Variants in TP63 observed in about 807,000 individuals in gnomAD.
TP63 encodes tumor protein 63.
A neutral mutation model predicts 82.8 loss-of-function variants in TP63; 17 were observed. The ratio of observed to expected loss-of-function variants is 0.21; its 90% CI spans 0.14 to 0.31. The LOEUF is 0.31. Ranked by LOEUF, TP63 falls within the 10% of genes least tolerant of loss-of-function variation. The pLI, the probability that TP63 is intolerant of heterozygous loss-of-function variation, is 1.00. For synonymous variants in TP63, 330 were observed against 321.7 expected, an observed-to-expected ratio of 1.03 and a Z score of -0.28; for missense variants, 648 against 895.3, an observed-to-expected ratio of 0.72 and a Z score of 3.52.
At chr3:189,763,594 C>T (rs1722737586) in intron 3 of TP63, among the ~76,000 whole-genome samples, 1 of 152,090 alleles carries the variant, frequency 6.6e-6, no homozygotes, top group African/African-American at 2.4e-5. Flanking sequence ...ATTCTGATCA[C>T]CATTTGTATT....
intron 1 of TP63, among the ~76,000 whole-genome samples, chr3:189,653,444 A>G (rs951204231): frequency 6.6e-6 from 1 of 152,196 alleles, no homozygotes; most frequent in Non-Finnish European, 1.5e-5. Context: ...CAGTGTTTAT[A>G]TATTTTTCAC....
intron 2 of TP63, 25 bp downstream of exon 2, chr3:189,737,893 G>A (rs1238751428): frequency 6.2e-7 from 1 of 1,613,238 alleles, no homozygotes; most frequent in African/African-American, 1.3e-5. Flanking sequence ...AGCAAGAAAT[G>A]TTTTGCTTGA....
intron 3 of TP63, among the ~76,000 whole-genome samples, chr3:189,767,985 T>C (rs1254953354): frequency 6.6e-6 from 1 of 152,166 alleles, no homozygotes; most frequent in Non-Finnish European, 1.5e-5. Context: ...ATAATACATA[T>C]GTGAAATCAC....
At chr3:189,673,924 T>G (rs1715159241) in intron 1 of TP63, among the ~76,000 whole-genome samples, 1 of 151,872 alleles carries the variant, frequency 6.6e-6, no homozygotes, top group Admixed American at 6.6e-5. Flanking sequence ...AGTTTTATTA[T>G]TGTTATTATG....
chr3:189,700,015 G>A (rs1717682999), intron 1 of TP63, among the ~76,000 whole-genome samples: 1 of 152,164 alleles, frequency 6.6e-6, no homozygotes, highest in South Asian at 2.1e-4. Context: ...GGGAACACTG[G>A]TCTGACTGCA....
the TP63 span, among the ~76,000 whole-genome samples, chr3:189,620,356 C>G: frequency 6.6e-6 from 1 of 152,020 alleles, no homozygotes; most frequent in South Asian, 2.1e-4. Flanking sequence ...AACCCCATCT[C>G]TACTAAAAAT....
chr3:189,861,752 A>G (rs780922796), intron 4 of TP63, among the ~76,000 whole-genome samples: 3 of 152,340 alleles, frequency 2.0e-5, no homozygotes, highest in African/African-American at 4.8e-5. Context: ...AAGAACCACA[A>G]TGTTGGAAAC....
At chr3:189,875,601 T>TATATATATATATATATATAC (rs1718986048) in intron 10 of TP63, among the ~76,000 whole-genome samples, 1 of 46,554 alleles carries the variant, frequency 2.1e-5, no homozygotes, top group African/African-American at 7.3e-5. Context: ...TACATATATA[T>TATATATATATATATATATAC]ATATATATAT....
chr3:189,667,786 G>T (rs567538697), intron 1 of TP63, among the ~76,000 whole-genome samples: 1 of 152,106 alleles, frequency 6.6e-6, no homozygotes, highest in Non-Finnish European at 1.5e-5. Context: ...TATAGACCAT[G>T]TTCTACAGCA....
At chr3:189,709,050 T>A (rs574148436) in intron 1 of TP63, among the ~76,000 whole-genome samples, 1 of 152,314 alleles carries the variant, frequency 6.6e-6, no homozygotes, top group East Asian at 1.9e-4. Flanking sequence ...AGATTCATCC[T>A]TGTTTGCTGT....
At chr3:189,682,841 C>T (rs1199206986) in intron 1 of TP63, among the ~76,000 whole-genome samples, 1 of 151,944 alleles carries the variant, frequency 6.6e-6, no homozygotes, top group East Asian at 1.9e-4. Flanking sequence ...AAATTTACTT[C>T]TAGACTAGAA....
At chr3:189,830,211 A>G (rs1340735104) in intron 4 of TP63, among the ~76,000 whole-genome samples, 1 of 152,218 alleles carries the variant, frequency 6.6e-6, no homozygotes. Flanking sequence ...GAAAAAAGCT[A>G]GACCTTTACA....
rs1016027295 is a variant in TP63, at chr3:189,764,365, A to G, written c.324+25591A>G. ...GCCAGAATACAAACAGAGCTGATAA[A>G]ACCAATAGCTGGATGGCTTATTTCT... On this transcript the variant is annotated intron_variant, in intron 3 of 13. Coordinates refer to ENST00000264731, the MANE Select transcript of TP63 (RefSeq NM_003722.5). 2.0e-5 allele frequency among the ~76,000 whole-genome samples: 3 copies of G among 152,320 alleles called. No homozygotes were observed. In the East Asian group the frequency reaches 5.8e-4, roughly 29 times the overall value.
intron 10 of TP63, among the ~76,000 whole-genome samples, chr3:189,877,296 G>T (rs1046649444): frequency 1.3e-5 from 2 of 152,132 alleles, no homozygotes; most frequent in Admixed American, 1.3e-4. Flanking sequence ...CCTATCTTTA[G>T]ACTTCTTGCC....
the TP63 span, among the ~76,000 whole-genome samples, chr3:189,619,738 G>A: frequency 5.9e-5 from 9 of 152,244 alleles, no homozygotes; most frequent in East Asian, 1.9e-4. Context: ...CCAAAAGCCC[G>A]AATCTGAGGA....
At position 189,872,921 on chromosome 3, in the gene TP63, G is replaced by T; in HGVS notation, c.1275G>T (p.Gln425His). 1.2e-6 allele frequency: 2 copies of T among 1,614,108 alleles called. No homozygotes were observed. The highest frequency in any genetic ancestry group is 1.7e-6 in the Non-Finnish European group (2 of 1,180,022). ...TCAAAGAGTCCCTGGAACTCATGCA[G>T]TACCTTCCTCAGCACACAATTGAAA... is the stretch of plus-strand genomic sequence containing the variant. ...LKIKESLELM[Q>H]YLPQHTIETY... Residue 425 changes from glutamine to histidine, a missense_variant, in exon 10 of 14, where the codon CAG (glutamine) becomes CAT (histidine). Gln to His is a conservative substitution (Grantham distance 24). This residue lies in a region of TP63 where 342 missense variants were observed against 425.7 expected (regional missense o/e 0.80). Coordinates refer to ENST00000264731, the MANE Select transcript of TP63 (RefSeq NM_003722.5).
intron 1 of TP63, among the ~76,000 whole-genome samples, chr3:189,638,907 G>A (rs1711562725): frequency 6.6e-6 from 1 of 152,118 alleles, no homozygotes; most frequent in Non-Finnish European, 1.5e-5. Flanking sequence ...AGTGAGGCAA[G>A]CTTAGACCCA....
At chr3:189,741,448 G>A (rs905060615) in intron 3 of TP63, among the ~76,000 whole-genome samples, 2 of 133,156 alleles carry the variant, frequency 1.5e-5, no homozygotes, top group African/African-American at 2.8e-5. Context: ...CTGCTACAAC[G>A]GGTGTGAGAG....
rs149079407 is a variant in TP63, at chr3:189,888,214, T to C, written c.1508-1126T>C. Among the ~76,000 whole-genome samples the C allele has an allele frequency of 4.6e-5, 7 of 152,346 alleles. No individual in the cohort carries two copies. The East Asian group carries it at 7.7e-4, about 17-fold the overall frequency. ...GTGTGTTTGCAATGGTTGCCTGTTA[T>C]GGCAAACGTAGACTTTAGAGTGAGA... On this transcript the variant is annotated intron_variant, in intron 11 of 13. Coordinates refer to ENST00000264731, the MANE Select transcript of TP63 (RefSeq NM_003722.5).
Sources: gnomAD v4.1 joint callset for allele counts (sites outside exome capture counted in the v4.1 genomes callset) on GRCh38, gnomAD v4.1.1 for gene constraint, gnomAD v4.1.1 regional missense constraint, MANE v1.5 for transcripts, NCBI Gene and HGNC (gene_info 2026-07-23, HGNC 2026-07-21) for gene names.